ACOX3: variants seen among roughly 807,000 people sequenced by gnomAD.
ACOX3 encodes the protein peroxisomal acyl-coenzyme A oxidase 3.
ACOX3 carries 73 observed loss-of-function variants against 81.5 expected under a neutral mutation model. That is an observed-to-expected ratio of 0.90 (90% confidence interval 0.74 to 1.09). ACOX3 has a LOEUF of 1.09. Ranked by LOEUF, ACOX3 falls within the 50% of genes least tolerant of loss-of-function variation. The pLI, the probability that ACOX3 is intolerant of heterozygous loss-of-function variation, is 0.00. For synonymous variants in ACOX3, 387 were observed against 375.1 expected (o/e 1.03, Z -0.37); for missense variants, 947 against 928.0 (o/e 1.02, Z -0.27).
chr4:8,410,661 C>T (rs140754760), intron 5 of ACOX3, among the ~76,000 whole-genome samples: 5 of 152,130 alleles, frequency 3.3e-5, no homozygotes, highest in Middle Eastern at 3.4e-3. Flanking sequence ...GGTAGAAACA[C>T]TGTGGATACA....
Position 8,384,433 on chromosome 4 carries a change from C to T in ACOX3, c.1538-2826G>A, listed in dbSNP as rs73209465. Among the ~76,000 whole-genome samples, 1,453 of 152,258 alleles carry T rather than the reference C, an allele frequency of 9.5e-3. 10 individuals carry two copies. The highest frequency in any genetic ancestry group is 0.035 in the South Asian group (168 of 4,824). The stretch of plus-strand genomic sequence containing the variant: ...AACTAGGCAGGAAAACGGGCACTGA[C>T]GGGCAGTGAATTCTCTTGCTCGGAA... On this transcript the variant is annotated intron_variant, in intron 13 of 17. Transcript: ENST00000356406. This position sits in a 1 kb window ranked among gnomAD's most constrained non-coding sequence, Gnocchi z 5.3.
At chr4:8,376,808 C>T (rs571104408) in intron 14 of ACOX3, among the ~76,000 whole-genome samples, 1 of 152,190 alleles carries the variant, frequency 6.6e-6, no homozygotes, top group African/African-American at 2.4e-5. Flanking sequence ...GGGCTGGTGG[C>T]AGGATCTGGA....
chr4:8,396,029 C>G (rs555564732), intron 9 of ACOX3, among the ~76,000 whole-genome samples: 3 of 152,222 alleles, frequency 2.0e-5, no homozygotes, highest in Non-Finnish European at 4.4e-5. Context: ...AAACCCAGAG[C>G]ACAGGGCACG....
chr4:8,377,663 C>T (rs1173971859), intron 14 of ACOX3, among the ~76,000 whole-genome samples: 1 of 152,192 alleles, frequency 6.6e-6, no homozygotes, highest in African/African-American at 2.4e-5. Flanking sequence ...CACGTAAGGC[C>T]AGCAGTCACC....
At position 8,385,982 on chromosome 4, in the gene ACOX3, C is replaced by T. The variant is rs1718250193; in HGVS notation, c.1537+3191G>A. Among the ~76,000 whole-genome samples, 1 of 152,232 alleles carries T rather than the reference C, an allele frequency of 6.6e-6. No individual in the cohort carries two copies. Among genetic ancestry groups the T allele is most frequent in the Non-Finnish European group, 1.5e-5 (1 of 68,042 alleles). The stretch of plus-strand genomic sequence containing the variant: ...CCTTTGTTACTCCGGAAAACGTTTT[C>T]ACTTTGTTGCATCTTGTAAATATTA... On this transcript the variant is annotated intron_variant, in intron 13 of 17. Transcript: ENST00000356406. This position sits in a 1 kb window ranked among gnomAD's most constrained non-coding sequence, Gnocchi z 5.5.
At chr4:8,411,615 G>A (rs1481666613) in intron 5 of ACOX3, among the ~76,000 whole-genome samples, 4 of 152,164 alleles carry the variant, frequency 2.6e-5, no homozygotes, top group African/African-American at 7.2e-5. Context: ...CTGCAACACC[G>A]GCCCAAGCCG....
Position 8,437,402 on chromosome 4 carries a change from AAAAG to A in ACOX3, c.-15+3242_-15+3245del, listed in dbSNP as rs1235076899. On this transcript the variant is annotated intron_variant, in intron 1 of 17. Coordinates refer to ENST00000356406, the MANE Select transcript of ACOX3 (RefSeq NM_003501.3). This position sits in a 1 kb window ranked among gnomAD's most constrained non-coding sequence, Gnocchi z 5.2. ...CCGGTGCCAAGAGAAGAGCAAAACA[AAAAG>A]AAAGACTCACAGTAAGTGTAAAAAA... Among the ~76,000 whole-genome samples the A allele has an allele frequency of 6.6e-6, 1 of 152,166 alleles. No individual in the cohort carries two copies. Among genetic ancestry groups the A allele is most frequent in the Non-Finnish European group, 1.5e-5 (1 of 68,032 alleles).
rs748162088 is a variant in ACOX3, at chr4:8,414,415, G to T, written c.454-34C>A. 4 of 1,587,122 alleles carry T rather than the reference G, an allele frequency of 2.5e-6. No individual in the cohort carries two copies. Among genetic ancestry groups the T allele is most frequent in the Non-Finnish European group, 3.5e-6 (4 of 1,155,422 alleles). Reference sequence around the variant, plus strand: ...CAAAGCACAAAATGATGGAAAGCAAGAAAAGTTCTTTGTGCACATTCCCAG... The same window carrying T: ...CAAAGCACAAAATGATGGAAAGCAATAAAAGTTCTTTGTGCACATTCCCAG... On this transcript the variant is annotated intron_variant, in intron 4 of 17. Transcript: ENST00000356406. This position sits in a 1 kb window ranked among gnomAD's most constrained non-coding sequence, Gnocchi z 6.1.
chr4:8,383,705 T>A (rs915066664), intron 13 of ACOX3, among the ~76,000 whole-genome samples: 3 of 152,158 alleles, frequency 2.0e-5, no homozygotes, highest in Non-Finnish European at 4.4e-5. Context: ...CCAGGGGTCA[T>A]CCTTGAGCCT....
At position 8,373,603 on chromosome 4, in the gene ACOX3, C is replaced by T. The variant is rs146787695; in HGVS notation, c.1854G>A (p.Ala618=). ...YRGGYFSGEQ[A]GEVLESAVLA... is the part of the protein sequence containing the mutation. ...GGACGGCGCTCTCCAACACTTCTCCCGCCTGCTCACCGGAGAAGTATCCTC... is the reference window on the plus strand; with the variant it reads ...GGACGGCGCTCTCCAACACTTCTCCTGCCTGCTCACCGGAGAAGTATCCTC... Residue 618 remains alanine, a synonymous_variant, in exon 16 of 18, where the codon GCG becomes GCA. Coordinates refer to ENST00000356406, the MANE Select transcript of ACOX3 (RefSeq NM_003501.3). 239 of 1,613,228 alleles carry T rather than the reference C, an allele frequency of 1.5e-4. 1 individual carries two copies. The highest frequency in any genetic ancestry group is 1.9e-4 in the Non-Finnish European group (224 of 1,179,680).
In ACOX3 at chr4:8,375,049, G is replaced by C. The variant is rs771078185; in HGVS notation, c.1757C>G (p.Ala586Gly). The C allele has an allele frequency of 2.7e-5, 42 of 1,554,742 alleles. No individual in the cohort carries two copies. Among genetic ancestry groups the C allele is most frequent in the Non-Finnish European group, 3.5e-5 (40 of 1,149,010 alleles). Residue 586 changes from alanine to glycine, a missense_variant, in exon 15 of 18, where the codon GCC becomes GGC. Physicochemically the swap from Ala to Gly is moderately conservative, Grantham distance 60 (BLOSUM62 0). Transcript: ENST00000356406. ...HQPSVPPSLR[A>G]VLGRLSALYA... is the part of the protein sequence containing the mutation. The stretch of plus-strand genomic sequence containing the variant: ...CAGAGCACTGAGCCGCCCCAGCACG[G>C]CCCGCAGCGAGGGCGGCACGGAAGG...
chr4:8,361,427 A>T (rs866206138), downstream of ACOX3, among the ~76,000 whole-genome samples: 4 of 85,254 alleles, frequency 4.7e-5, no homozygotes, highest in Non-Finnish European at 9.8e-5. Flanking sequence ...CTCTATCTCA[A>T]AAAAAAAAAA....
rs1034174208 is a variant in ACOX3 at position 8,405,036 on chromosome 4, C to T, written c.776+919G>A. Among the ~76,000 whole-genome samples, 3 of 152,082 alleles carry T rather than the reference C, an allele frequency of 2.0e-5. No homozygotes were observed. Among genetic ancestry groups the T allele is most frequent in the African/African-American group, 7.2e-5 (3 of 41,400 alleles). On this transcript the variant is annotated intron_variant, in intron 7 of 17. Transcript: ENST00000356406. The surrounding 1 kb of genome is among the most constrained non-coding windows in gnomAD (Gnocchi z 7.1). Reference sequence around the variant, plus strand: ...CTGCTCAGGCAGGGCCTGGCAGGGCCCTGGCACAGGGACCTCTCTTGTCAC... The same window carrying T: ...CTGCTCAGGCAGGGCCTGGCAGGGCTCTGGCACAGGGACCTCTCTTGTCAC...
intron 14 of ACOX3, among the ~76,000 whole-genome samples, chr4:8,376,999 G>A (rs1717047689): frequency 6.6e-6 from 1 of 152,002 alleles, no homozygotes; most frequent in East Asian, 2.0e-4. Flanking sequence ...TGCAGCTCCA[G>A]GCCTCAGCCC....
At position 8,418,553 on chromosome 4, in the gene ACOX3, CA is replaced by C. The variant is rs779095077; in HGVS notation, c.-14-2019del. On this transcript the variant is annotated intron_variant, in intron 1 of 17. Transcript: ENST00000356406. ...CAAAGGGTTCAAATAGACATTTCTC[CA>C]AAGACAGACAAATGGCCAAAAAATA... Among the ~76,000 whole-genome samples the C allele has an allele frequency of 4.6e-5, 7 of 151,804 alleles. No individual in the cohort carries two copies. In the East Asian group the frequency reaches 5.8e-4, roughly 13 times the overall value.
rs919533248 is a variant in ACOX3, at chr4:8,386,148, TTA to T, written c.1537+3023_1537+3024del. On this transcript the variant is annotated intron_variant, in intron 13 of 17. Transcript: ENST00000356406. This position sits in a 1 kb window ranked among gnomAD's most constrained non-coding sequence, Gnocchi z 5.2. ...CACATGGAGAAGCTGGCTGTCCCAT[TTA>T]TGTTTTGATTTTATTAATATAAGGA... is the stretch of plus-strand genomic sequence containing the variant. Among the ~76,000 whole-genome samples, 39 of 152,216 alleles carry T rather than the reference TTA, an allele frequency of 2.6e-4. No individual in the cohort carries two copies. Among genetic ancestry groups the T allele is most frequent in the African/African-American group, 9.1e-4 (38 of 41,544 alleles).
In ACOX3 at chr4:8,405,891, A is replaced by G; in HGVS notation, c.776+64T>C. 1.3e-6 allele frequency: 2 copies of G among 1,497,578 alleles called. No individual in the cohort carries two copies. Among genetic ancestry groups the G allele is most frequent in the Non-Finnish European group, 1.9e-6 (2 of 1,074,498 alleles). The allele number at this position is 1,497,578 out of a possible 1,614,324, so 92.8% of individuals were successfully genotyped here. On this transcript the variant is annotated intron_variant, in intron 7 of 17. Transcript: ENST00000356406. This position sits in a 1 kb window ranked among gnomAD's most constrained non-coding sequence, Gnocchi z 7.1. ...CCATGGGGCCAGTGAGATCTCAGAC[A>G]TGAGCGACAACGCAGCCTGGGCCTT...
Position 8,381,596 on chromosome 4 carries a change from C to T in ACOX3, c.1549G>A (p.Ala517Thr). Residue 517 changes from alanine to threonine, a missense_variant, in exon 14 of 18, where the codon GCA becomes ACA. By Grantham distance (58) the Ala-to-Thr change is moderately conservative. Transcript: ENST00000356406. This position sits in a 1 kb window ranked among gnomAD's most constrained non-coding sequence, Gnocchi z 4.3. ...DCLDSAVALA[A>T]YKWLVCYLLR... ...AGGTAGCAAACCAGCCACTTGTATGCTGCCAGGGCGACTTCGGAATGACAA... is the reference window on the plus strand; with the variant it reads ...AGGTAGCAAACCAGCCACTTGTATGTTGCCAGGGCGACTTCGGAATGACAA... The T allele has an allele frequency of 6.2e-7, 1 of 1,613,066 alleles. No individual in the cohort carries two copies. Among genetic ancestry groups the T allele is most frequent in the East Asian group, 2.2e-5 (1 of 44,876 alleles).
chr4:8,418,007 C>CA (rs1323207759), intron 1 of ACOX3, among the ~76,000 whole-genome samples: 1 of 152,200 alleles, frequency 6.6e-6, no homozygotes, highest in Non-Finnish European at 1.5e-5. Flanking sequence ...AAAATCTGAA[C>CA]AGATCTATAA....
Sources: allele counts gnomAD v4.1 joint callset (sites outside exome capture counted in the v4.1 genomes callset), GRCh38; gene constraint gnomAD v4.1.1; non-coding constraint Gnocchi (gnomAD v3.1); transcripts MANE v1.5; gene names NCBI Gene and HGNC (gene_info 2026-07-23, HGNC 2026-07-21).